LINGO2: variants seen among roughly 807,000 people sequenced by gnomAD.
LINGO2 encodes leucine rich repeat and Ig domain containing 2, also known as leucine-rich repeat and immunoglobulin-like domain-containing nogo receptor-interacting protein 2.
Under a neutral mutation model 30.6 loss-of-function variants are expected in LINGO2, and 14 were observed. The observed-to-expected ratio is 0.46, with a 90% CI of 0.30 to 0.72. LINGO2 has a LOEUF of 0.72. Among genes scored for constraint, LINGO2 ranks in the 30% least tolerant of loss-of-function variants. The pLI is 0.07. For synonymous variants in LINGO2, 317 were observed against 288.5 expected (o/e 1.10, Z -1.00); for missense variants, 729 against 751.7 (o/e 0.97, Z 0.35).
At chr9:29,053,071 T>C in the LINGO2 span, among the ~76,000 whole-genome samples, 51 of 152,296 alleles carry the variant, frequency 3.3e-4, no homozygotes, top group African/African-American at 1.1e-3. Context: ...TTGTAAAATA[T>C]CCTTTCTCTT....
chr9:28,069,714 A>G (rs932701657), intron 4 of LINGO2, among the ~76,000 whole-genome samples: 3 of 152,182 alleles, frequency 2.0e-5, no homozygotes, highest in Admixed American at 2.0e-4. Context: ...AAAGAGTAGC[A>G]GCATTTAGTG....
chr9:28,406,272 C>G (rs1822511650), intron 2 of LINGO2, among the ~76,000 whole-genome samples: 1 of 151,974 alleles, frequency 6.6e-6, no homozygotes, highest in Admixed American at 6.6e-5. Context: ...CCCATGTCTA[C>G]TAAAAATATA....
chr9:28,704,021 T>A, the LINGO2 span, among the ~76,000 whole-genome samples: 1 of 152,010 alleles, frequency 6.6e-6, no homozygotes, highest in African/African-American at 2.4e-5. Flanking sequence ...TTGTTTCTTC[T>A]CTAATGGTTT....
chr9:28,755,153 C>G, the LINGO2 span, among the ~76,000 whole-genome samples: 1 of 151,858 alleles, frequency 6.6e-6, no homozygotes, highest in East Asian at 1.9e-4. Context: ...TAAGTCAAAC[C>G]GACTTTTATA....
chr9:28,034,835 C>T (rs1453109654), intron 4 of LINGO2, among the ~76,000 whole-genome samples: 3 of 152,220 alleles, frequency 2.0e-5, no homozygotes, highest in Non-Finnish European at 4.4e-5. Context: ...TCTCCTCTCA[C>T]TTGTTTGACC....
the LINGO2 span, among the ~76,000 whole-genome samples, chr9:28,709,768 TTATC>T: frequency 6.6e-6 from 1 of 151,918 alleles, no homozygotes; most frequent in African/African-American, 2.4e-5. Flanking sequence ...TAATTTGTAG[TTATC>T]TAGCTACTTA....
intron 3 of LINGO2, among the ~76,000 whole-genome samples, chr9:28,328,437 A>G (rs1336867904): frequency 1.3e-5 from 2 of 152,178 alleles, no homozygotes; most frequent in East Asian, 1.9e-4. Context: ...ACAACCAAAC[A>G]TATGCCTTCA....
chr9:28,853,513 A>G, the LINGO2 span, among the ~76,000 whole-genome samples: 1 of 152,026 alleles, frequency 6.6e-6, no homozygotes, highest in Non-Finnish European at 1.5e-5. Context: ...AAATCAAGGT[A>G]TCACTGCCTC....
intron 4 of LINGO2, among the ~76,000 whole-genome samples, chr9:28,273,576 A>T (rs554846923): frequency 4.9e-4 from 74 of 152,190 alleles, no homozygotes; most frequent in Non-Finnish European, 8.1e-4. Flanking sequence ...AACCAGGGGA[A>T]GGAGAACCCT....
chr9:28,311,691 C>A (rs1030358213), intron 3 of LINGO2, among the ~76,000 whole-genome samples: 27 of 152,136 alleles, frequency 1.8e-4, no homozygotes, highest in Non-Finnish European at 3.4e-4. Context: ...ATGCTGTTAT[C>A]CTGTTCCTTT....
chr9:28,628,747 C>T (rs1826799648), intron 1 of LINGO2, among the ~76,000 whole-genome samples: 1 of 152,072 alleles, frequency 6.6e-6, no homozygotes, highest in South Asian at 2.1e-4. Flanking sequence ...TATTTCTGTA[C>T]AATAAAGTTT....
chr9:29,009,585 C>T, the LINGO2 span, among the ~76,000 whole-genome samples: 4 of 152,128 alleles, frequency 2.6e-5, no homozygotes, highest in African/African-American at 4.8e-5. Flanking sequence ...GAATCAATAT[C>T]ATGAAAATGG....
chr9:28,815,173 T>C, the LINGO2 span, among the ~76,000 whole-genome samples: 1 of 152,168 alleles, frequency 6.6e-6, no homozygotes, highest in African/African-American at 2.4e-5. Flanking sequence ...GAGAAATAAG[T>C]GAAGACGCAC....
intron 4 of LINGO2, among the ~76,000 whole-genome samples, chr9:28,192,108 C>T (rs1203135661): frequency 6.6e-6 from 1 of 152,024 alleles, no homozygotes; most frequent in Non-Finnish European, 1.5e-5. Flanking sequence ...ACTCTTACAG[C>T]CTCTTCATGA....
chr9:29,137,255 A>G, the LINGO2 span, among the ~76,000 whole-genome samples: 1 of 152,148 alleles, frequency 6.6e-6, no homozygotes, highest in African/African-American at 2.4e-5. Context: ...TTGGAACTTT[A>G]GGTTCATCAT....
At chr9:29,167,310 A>G in the LINGO2 span, among the ~76,000 whole-genome samples, 2 of 152,160 alleles carry the variant, frequency 1.3e-5, no homozygotes, top group African/African-American at 4.8e-5. Context: ...AAGAATATTC[A>G]TAATGCAGGA....
intron 1 of LINGO2, among the ~76,000 whole-genome samples, chr9:28,565,845 T>C (rs539286166): frequency 2.6e-5 from 4 of 152,198 alleles, no homozygotes; most frequent in African/African-American, 9.6e-5. Flanking sequence ...TGAGCCACTG[T>C]GACGAGCCCA....
the LINGO2 span, among the ~76,000 whole-genome samples, chr9:29,149,788 T>C: frequency 5.9e-5 from 9 of 152,134 alleles, no homozygotes; most frequent in Non-Finnish European, 1.2e-4. Context: ...AACGAAGCCA[T>C]AGATGCACAT....
the LINGO2 span, among the ~76,000 whole-genome samples, chr9:28,998,733 A>T: frequency 6.6e-6 from 1 of 152,046 alleles, no homozygotes; most frequent in African/African-American, 2.4e-5. Context: ...AGGTTAGCTA[A>T]CTTCTCATTA....
Sources: gnomAD v4.1 joint callset for allele counts (sites outside exome capture counted in the v4.1 genomes callset) on GRCh38, gnomAD v4.1.1 for gene constraint, MANE v1.5 for transcripts, NCBI Gene and HGNC (gene_info 2026-07-23, HGNC 2026-07-21) for gene names.